The following CFAP20DC variants were observed in gnomAD, a reference collection of about 807,000 sequenced individuals.
CFAP20DC encodes CFAP20 domain containing.
In CFAP20DC, 84 loss-of-function variants were observed where a neutral mutation model predicts 101.7. The ratio of observed to expected loss-of-function variants is 0.83; its 90% CI spans 0.69 to 0.99. The LOEUF is 0.99. CFAP20DC is among the 50% of genes least tolerant of loss of function. The pLI is 0.00. For synonymous variants in CFAP20DC, 359 were observed against 351.2 expected (o/e 1.02, Z -0.25); for missense variants, 1,007 against 970.3 (o/e 1.04, Z -0.50).
At position 58,728,194 on chromosome 3, in the gene CFAP20DC, G is replaced by C. The variant is rs1335714216; in HGVS notation, c.198-10566C>G. ...AACTGTAAAGACCACTGATTATTCT[G>C]GTAAGTGGGCTAAGTCTATAGTAAC... is the stretch of plus-strand genomic sequence containing the variant. On this transcript the variant is annotated intron_variant, in intron 3 of 3. Coordinates refer to the CFAP20DC transcript ENST00000486145. This position sits in a 1 kb window ranked among gnomAD's most constrained non-coding sequence, Gnocchi z 4.7. The C allele has an allele frequency of 6.6e-6, 1 of 152,196 alleles. No homozygotes were observed. Among genetic ancestry groups the C allele is most frequent in the African/African-American group, 2.4e-5 (1 of 41,456 alleles). 9.4% of individuals were successfully genotyped at this position (152,196 alleles called of 1,614,324 possible). A position where few individuals can be genotyped will look rare whatever the true frequency, so the allele number is the denominator to read the frequency against.
intron 4 of CFAP20DC, among the ~76,000 whole-genome samples, chr3:58,963,674 T>C (rs2091329344): frequency 6.6e-6 from 1 of 152,152 alleles, no homozygotes; most frequent in South Asian, 2.1e-4. Context: ...TAAAAAGTAA[T>C]GTATGCTCAT....
In CFAP20DC at chr3:58,728,609, C is replaced by A. The variant is rs965613199; in HGVS notation, c.198-10981G>T. 1.3e-5 allele frequency among the ~76,000 whole-genome samples: 2 copies of A among 152,110 alleles called. No homozygotes were observed. Among genetic ancestry groups the A allele is most frequent in the Non-Finnish European group, 2.9e-5 (2 of 68,024 alleles). ...AGCTAGCACAGAATTAAGTCAGTAA[C>A]TTAAAAACATAAATGAATGAATGTC... is the stretch of plus-strand genomic sequence containing the variant. On this transcript the variant is annotated intron_variant, in intron 3 of 3. Transcript: ENST00000486145. The surrounding 1 kb of genome is among the most constrained non-coding windows in gnomAD (Gnocchi z 4.7).
chr3:58,941,057 G>A (rs536018390), intron 4 of CFAP20DC, among the ~76,000 whole-genome samples: 38 of 152,108 alleles, frequency 2.5e-4, no homozygotes, highest in African/African-American at 8.2e-4. Context: ...AGGGCCAGGC[G>A]CAGTGGCTCA....
At chr3:58,836,747 T>C (rs2076763406) in intron 13 of CFAP20DC, among the ~76,000 whole-genome samples, 1 of 151,878 alleles carries the variant, frequency 6.6e-6, no homozygotes, top group Admixed American at 6.6e-5. Context: ...TATCGAACAA[T>C]CTCCACCTCT....
At chr3:59,018,567 C>G (rs2093736827) in intron 4 of CFAP20DC, 1 of 152,034 alleles carries the variant, frequency 6.6e-6, no homozygotes, top group Non-Finnish European at 1.5e-5. Flanking sequence ...TAACATGAAT[C>G]TAATCCTAAG....
Position 58,849,309 on chromosome 3 carries a change from G to T in CFAP20DC, c.1694C>A (p.Thr565Lys), listed in dbSNP as rs1026810359. ...GGCGCTCCTTAGATATTCCTTACTT[G>T]TCCGCTTTGCAGCCTTCCCCAGCAG... ...ESLLGKAAKR[T>K]SKEYLRSAYT... The change falls in exon 13 of 17, where the codon ACA becomes AAA. Residue 565 changes from threonine (T) to lysine (K), a missense_variant. Thr to Lys is a moderately conservative substitution (Grantham distance 78, BLOSUM62 -1). Coordinates refer to ENST00000482387, the MANE Select transcript of CFAP20DC (RefSeq NM_001394063.1). 1 of 1,535,996 alleles carries T rather than the reference G, an allele frequency of 6.5e-7. No homozygotes were observed. The highest frequency in any genetic ancestry group is 8.7e-7 in the Non-Finnish European group (1 of 1,146,890).
At chr3:59,030,830 T>C (rs555019843) in intron 4 of CFAP20DC, among the ~76,000 whole-genome samples, 9 of 152,268 alleles carry the variant, frequency 5.9e-5, no homozygotes, top group Middle Eastern at 3.4e-3. Flanking sequence ...TGTTTTTGTT[T>C]TTGTTTTTTT....
intron 15 of CFAP20DC, among the ~76,000 whole-genome samples, chr3:58,771,260 GA>G (rs201504045): frequency 0.071 from 10,795 of 151,614 alleles, 648 homozygotes; most frequent in East Asian, 0.35. Flanking sequence ...AGGGGTGGGG[GA>G]CTAGGGGAGG....
intron 2 of CFAP20DC, among the ~76,000 whole-genome samples, chr3:59,046,840 G>A (rs1699904154): frequency 6.6e-6 from 1 of 152,142 alleles, no homozygotes; most frequent in African/African-American, 2.4e-5. Flanking sequence ...GAATGCTGAA[G>A]TAGAGCGGAA....
intron 5 of CFAP20DC, among the ~76,000 whole-genome samples, chr3:58,935,407 G>T (rs2087404809): frequency 6.6e-6 from 1 of 151,808 alleles, no homozygotes; most frequent in African/African-American, 2.4e-5. Flanking sequence ...TTTCTTCACA[G>T]AATTGGAAAA....
At chr3:58,769,554 G>A (rs1213702889) in intron 15 of CFAP20DC, among the ~76,000 whole-genome samples, 6 of 152,182 alleles carry the variant, frequency 3.9e-5, no homozygotes, top group Non-Finnish European at 8.8e-5. Flanking sequence ...ATGGGAAAAT[G>A]GATGAGTTCT....
At chr3:58,889,294 C>G (rs1026337989) in intron 6 of CFAP20DC, among the ~76,000 whole-genome samples, 5 of 152,144 alleles carry the variant, frequency 3.3e-5, no homozygotes, top group Admixed American at 6.5e-5. Context: ...TGATTTGCCT[C>G]CGTTCCATTT....
intron 3 of CFAP20DC, among the ~76,000 whole-genome samples, chr3:58,718,010 G>A (rs1482395536): frequency 3.3e-5 from 5 of 152,222 alleles, no homozygotes; most frequent in Non-Finnish European, 5.9e-5. Flanking sequence ...AGAAATTCAA[G>A]TTTGGCTTCA....
At chr3:58,749,490 T>G (rs184883020) in intron 16 of CFAP20DC, among the ~76,000 whole-genome samples, 98 of 152,318 alleles carry the variant, frequency 6.4e-4, no homozygotes, top group Non-Finnish European at 9.7e-4. Flanking sequence ...TACTAGTAAT[T>G]TGGATATTAC....
chr3:58,941,284 G>T (rs1025281003), intron 4 of CFAP20DC, among the ~76,000 whole-genome samples: 13 of 128,330 alleles, frequency 1.0e-4, no homozygotes, highest in African/African-American at 3.6e-4. Flanking sequence ...AGCTGAGATT[G>T]TGCCACTGCA....
chr3:59,046,739 A>T (rs527914997), intron 2 of CFAP20DC, among the ~76,000 whole-genome samples: 3 of 152,214 alleles, frequency 2.0e-5, no homozygotes, highest in Non-Finnish European at 4.4e-5. Flanking sequence ...AAGAATAAAG[A>T]TTGGGATCAG....
At position 58,914,164 on chromosome 3, in the gene CFAP20DC, G is replaced by A. The variant is rs761287684; in HGVS notation, c.394-300C>T. 6.6e-6 allele frequency among the ~76,000 whole-genome samples: 1 copy of A among 152,152 alleles called. No individual in the cohort carries two copies. The highest frequency in any genetic ancestry group is 1.5e-5 in the Non-Finnish European group (1 of 68,030). ...TCTATCTGTAGGCAGTATGCCAGCA[G>A]GAAGCTAATTGCAGGTGTGTTAGAC... On this transcript the variant is annotated intron_variant, in intron 5 of 16. Coordinates refer to ENST00000482387, the MANE Select transcript of CFAP20DC (RefSeq NM_001394063.1). This position sits in a 1 kb window ranked among gnomAD's most constrained non-coding sequence, Gnocchi z 4.9.
chr3:58,837,016 G>A (rs1161882480), intron 13 of CFAP20DC, among the ~76,000 whole-genome samples: 1 of 152,112 alleles, frequency 6.6e-6, no homozygotes, highest in Non-Finnish European at 1.5e-5. Context: ...CCATCAGGCA[G>A]AAAAGCATGG....
chr3:58,867,949 A>G lies in CFAP20DC; in HGVS notation c.1016-13T>C, dbSNP rs187794466. The G allele has an allele frequency of 1.3e-6, 2 of 1,597,264 alleles. No homozygotes were observed. The highest frequency in any genetic ancestry group is 2.2e-5 in the East Asian group (1 of 44,494). The stretch of plus-strand genomic sequence containing the variant: ...TGTAGATTGGCTGCTACATTTTCAT[A>G]TCAAAGCACAAAAGCCAGAACAGAA... On this transcript the variant is annotated splice_polypyrimidine_tract_variant and intron_variant, in intron 9 of 16. Coordinates refer to ENST00000482387, the MANE Select transcript of CFAP20DC (RefSeq NM_001394063.1).
Sources: allele counts gnomAD v4.1 joint callset (sites outside exome capture counted in the v4.1 genomes callset), GRCh38; gene constraint gnomAD v4.1.1; non-coding constraint Gnocchi (gnomAD v3.1); transcripts MANE v1.5; gene names NCBI Gene and HGNC (gene_info 2026-07-23, HGNC 2026-07-21).